Variants in CDH17 observed in about 807,000 individuals in gnomAD.
CDH17 encodes the protein cadherin-17.
A neutral mutation model predicts 86.3 loss-of-function variants in CDH17; 67 were observed. The observed-to-expected ratio is 0.78, with a 90% CI of 0.64 to 0.95. CDH17 has a LOEUF of 0.95. CDH17 is among the 40% of genes least tolerant of loss of function. CDH17 has a pLI of 0.00. For missense variants in CDH17, 993 were observed against 1,017.6 expected (o/e 0.98, Z 0.33); for synonymous variants, 367 against 366.4 (o/e 1.00, Z -0.02).
intron 15 of CDH17, among the ~76,000 whole-genome samples, chr8:94,137,036 C>G (rs1812543554): frequency 6.6e-6 from 1 of 152,166 alleles, no homozygotes; most frequent in Non-Finnish European, 1.5e-5. Context: ...TGCTACCCAC[C>G]TATATGAAGT....
At chr8:94,185,269 A>AC (rs1813556404) in intron 3 of CDH17, among the ~76,000 whole-genome samples, 1 of 119,946 alleles carries the variant, frequency 8.3e-6, no homozygotes, top group African/African-American at 3.7e-5. Context: ...CCCACACCCT[A>AC]CCCCAATACA....
At chr8:94,153,170 G>T (rs969009246) in intron 12 of CDH17, among the ~76,000 whole-genome samples, 3 of 152,120 alleles carry the variant, frequency 2.0e-5, no homozygotes, top group African/African-American at 7.2e-5. Context: ...AAACAACTCA[G>T]TAGCAAGAAA....
Position 94,163,520 on chromosome 8 carries a change from G to GA in CDH17, c.1283-1359dup, listed in dbSNP as rs1813098340. Among the ~76,000 whole-genome samples the GA allele has an allele frequency of 2.0e-5, 3 of 152,366 alleles. No individual in the cohort carries two copies. In the East Asian group the frequency reaches 5.8e-4, roughly 29 times the overall value. ...AGGCACAGGCCTTGCTCCTTTGGGG[G>GA]ATGCTCCCCTCCCTGGCTCCTTCAG... On this transcript the variant is annotated intron_variant, in intron 10 of 17. Coordinates refer to ENST00000027335, the MANE Select transcript of CDH17 (RefSeq NM_004063.4).
intron 13 of CDH17, among the ~76,000 whole-genome samples, chr8:94,151,326 A>C (rs1304858122): frequency 6.6e-6 from 1 of 152,220 alleles, no homozygotes; most frequent in East Asian, 1.9e-4. Context: ...ATATTTACAC[A>C]TTTTGTTTAG....
chr8:94,201,552 C>G (rs993742922), intron 1 of CDH17, among the ~76,000 whole-genome samples: 1 of 152,166 alleles, frequency 6.6e-6, no homozygotes, highest in Non-Finnish European at 1.5e-5. Flanking sequence ...CACAGAAGAT[C>G]CTTCCTTCAC....
chr8:94,171,085 C>T (rs1466032867), intron 7 of CDH17, 100 bp from the exon 8 acceptor site: 5 of 1,247,950 alleles, frequency 4.0e-6, no homozygotes, highest in Admixed American at 2.6e-5. Context: ...CTCTGACAAC[C>T]TTGTATGTTT....
intron 1 of CDH17, among the ~76,000 whole-genome samples, chr8:94,200,061 A>T (rs1350116229): frequency 6.6e-6 from 1 of 152,236 alleles, no homozygotes; most frequent in East Asian, 1.9e-4. Flanking sequence ...ACACAGGAAC[A>T]TCCTCACAGC....
chr8:94,191,157 T>TA (rs1554589841), intron 2 of CDH17, among the ~76,000 whole-genome samples: 5 of 150,790 alleles, frequency 3.3e-5, no homozygotes, highest in African/African-American at 4.9e-5. Flanking sequence ...TTCCTGATTT[T>TA]AAAAAAAAGG....
chr8:94,162,791 C>T (rs1813080150), intron 10 of CDH17, among the ~76,000 whole-genome samples: 1 of 152,184 alleles, frequency 6.6e-6, no homozygotes, highest in African/African-American at 2.4e-5. Flanking sequence ...TTCACAATTC[C>T]AAGACCTAGG....
At position 94,171,003 on chromosome 8, in the gene CDH17, A is replaced by C. The variant is rs768193082; in HGVS notation, c.784-18T>G. On this transcript the variant is annotated intron_variant, in intron 7 of 17. Transcript: ENST00000027335. The stretch of plus-strand genomic sequence containing the variant: ...CACCGCACCTACAGGGCCCAAAGTC[A>C]GTTGTGAGGAAAGCTGTATTTGGAC... 5 of 1,610,550 alleles carry C rather than the reference A, an allele frequency of 3.1e-6. No individual in the cohort carries two copies. Among genetic ancestry groups the C allele is most frequent in the Non-Finnish European group, 4.2e-6 (5 of 1,178,530 alleles).
chr8:94,136,246 T>C (rs1563564447), intron 15 of CDH17, among the ~76,000 whole-genome samples: 1 of 152,194 alleles, frequency 6.6e-6, no homozygotes, highest in Admixed American at 6.5e-5. Context: ...TCCTGAAGAG[T>C]GTTTTCCAAC....
intron 12 of CDH17, among the ~76,000 whole-genome samples, chr8:94,157,049 T>TAC (rs930805299): frequency 1.4e-4 from 22 of 152,174 alleles, no homozygotes; most frequent in Non-Finnish European, 2.4e-4. Context: ...GGCCTGACTG[T>TAC]ACCTTGCTGT....
chr8:94,179,575 C>G (rs1176350052), intron 3 of CDH17, among the ~76,000 whole-genome samples: 2 of 152,232 alleles, frequency 1.3e-5, no homozygotes, highest in Non-Finnish European at 2.9e-5. Flanking sequence ...GACTTGGAGG[C>G]TCTGCATAAG....
At chr8:94,199,083 A>ATTTTTT (rs71510475) in intron 1 of CDH17, among the ~76,000 whole-genome samples, 4 of 23,224 alleles carry the variant, frequency 1.7e-4, no homozygotes, top group Admixed American at 6.0e-4. Context: ...ATATATATAT[A>ATTTTTT]TTTTTTTTTT....
At position 94,128,288 on chromosome 8, in the gene CDH17, A is replaced by G. The variant is rs371609706; in HGVS notation, c.2451T>C (p.Asp817=). ...CAGATGCTTGAGCACTTTCAACATT[A>G]TCTTTGCCTTTATCCTTCTTTATGC... ...FIRIKKDKGK[D]NVESAQASEV... Residue 817 remains aspartate, a synonymous_variant, in exon 18 of 18, where the codon GAT becomes GAC. Transcript: ENST00000027335. The G allele has an allele frequency of 7.3e-5, 117 of 1,613,580 alleles. No homozygotes were observed. The highest frequency in any genetic ancestry group is 9.9e-5 in the Non-Finnish European group (117 of 1,179,818).
Position 94,130,742 on chromosome 8 carries a change from GA to G in CDH17, c.2285-4del, listed in dbSNP as rs770279346. ...TTCCACACAACTGCAGAATGTAACTGAAAAGCAGGACAGTATTTGGTAGGAT... is the reference window on the plus strand; with the variant it reads ...TTCCACACAACTGCAGAATGTAACTGAAAGCAGGACAGTATTTGGTAGGAT... On this transcript the variant is annotated splice_region_variant and splice_polypyrimidine_tract_variant and intron_variant, in intron 16 of 17. Transcript: ENST00000027335. 6.2e-7 allele frequency: 1 copy of G among 1,609,072 alleles called. No individual in the cohort carries two copies. Among genetic ancestry groups the G allele is most frequent in the Non-Finnish European group, 8.5e-7 (1 of 1,175,400 alleles).
chr8:94,142,550 G>A (rs533152619), intron 15 of CDH17, among the ~76,000 whole-genome samples: 1 of 152,156 alleles, frequency 6.6e-6, no homozygotes, highest in South Asian at 2.1e-4. Context: ...TTTCATGAGA[G>A]AGCCCTCTGT....
intron 2 of CDH17, among the ~76,000 whole-genome samples, chr8:94,191,174 G>A (rs1173328691): frequency 6.6e-6 from 1 of 152,116 alleles, no homozygotes; most frequent in East Asian, 1.9e-4. Flanking sequence ...AAGGGTAGTT[G>A]TGGCTGCCAT....
chr8:94,174,130 T>G lies in CDH17; in HGVS notation c.555A>C (p.Lys185Asn), dbSNP rs1813324679. ...CTCGGGTAAGAGAGATGGCTCCCGT[T>G]TTGTTGTTGATCTGAAAGTACATGA... ...NNVMYFQINN[K>N]TGAISLTREG... is the part of the protein sequence containing the mutation. Residue 185 changes from lysine (K) to asparagine (N), a missense_variant, in exon 6 of 18, where the codon AAA becomes AAC. Lys to Asn is a moderately conservative substitution (Grantham distance 94). Coordinates refer to ENST00000027335, the MANE Select transcript of CDH17 (RefSeq NM_004063.4). 1.9e-6 allele frequency: 3 copies of G among 1,613,560 alleles called. No homozygotes were observed. In the African/African-American group the frequency reaches 4.0e-5, roughly 22 times the overall value.
Sources: allele counts gnomAD v4.1 joint callset (sites outside exome capture counted in the v4.1 genomes callset), GRCh38; gene constraint gnomAD v4.1.1; transcripts MANE v1.5; gene names NCBI Gene and HGNC (gene_info 2026-07-23, HGNC 2026-07-21).